Variants in DHX29 observed in about 807,000 individuals in gnomAD.
The protein encoded by DHX29 is DExH-box helicase 29, also known as ATP-dependent RNA helicase DHX29.
A neutral mutation model predicts 167.9 loss-of-function variants in DHX29; 79 were observed. That is an observed-to-expected ratio of 0.47 (90% CI 0.39 to 0.57). The LOEUF (loss-of-function observed/expected upper bound fraction) is 0.57. DHX29 is among the 20% of genes least tolerant of loss of function. The pLI is 0.00. For missense variants in DHX29, 1,347 were observed against 1,593.4 expected (o/e 0.85, Z 2.63); for synonymous variants, 530 against 546.0 (o/e 0.97, Z 0.41).
intron 1 of DHX29, among the ~76,000 whole-genome samples, chr5:55,300,098 G>T (rs1427011519): frequency 6.6e-6 from 1 of 152,190 alleles, no homozygotes; most frequent in Non-Finnish European, 1.5e-5. Context: ...CTGGCCAGGC[G>T]CAGTGGCTCA....
chr5:55,270,918 A>T (rs1387555589), intron 18 of DHX29, among the ~76,000 whole-genome samples: 3 of 152,250 alleles, frequency 2.0e-5, no homozygotes, highest in Non-Finnish European at 4.4e-5. Flanking sequence ...CAAAAGAAAA[A>T]AATTATTTAA....
chr5:55,304,159 C>G (rs1398206526), intron 1 of DHX29, among the ~76,000 whole-genome samples: 2 of 152,102 alleles, frequency 1.3e-5, no homozygotes, highest in African/African-American at 4.8e-5. Flanking sequence ...AAGAGAAGGA[C>G]AGTAAAAGAA....
At chr5:55,305,535 G>C (rs943726152) in intron 1 of DHX29, among the ~76,000 whole-genome samples, 1 of 152,148 alleles carries the variant, frequency 6.6e-6, no homozygotes, top group Admixed American at 6.6e-5. Context: ...GAAGTGTTAC[G>C]ACCAAAGCAG....
chr5:55,262,485 A>G lies in DHX29; in HGVS notation c.3828+145T>C, dbSNP rs188868999. The G allele has an allele frequency of 1.1e-3, 1,133 of 1,001,060 alleles. 3 individuals carry two copies. The highest frequency in any genetic ancestry group is 1.5e-3 in the Non-Finnish European group (1,025 of 686,864). The allele number at this position is 1,001,060 out of a possible 1,614,324, so 62.0% of individuals were successfully genotyped here. On this transcript the variant is annotated intron_variant, in intron 24 of 26. Transcript: ENST00000251636. ...TAAGCATTCTTTTGTTTGAGAAGCTATGTGCATCTTGATTTCAAATATTAA... is the reference window on the plus strand; with the variant it reads ...TAAGCATTCTTTTGTTTGAGAAGCTGTGTGCATCTTGATTTCAAATATTAA...
At chr5:55,277,063 G>A (rs1434485488) in intron 13 of DHX29, 43 bp downstream of exon 13, 5 of 1,422,204 alleles carry the variant, frequency 3.5e-6, no homozygotes, top group Non-Finnish European at 4.8e-6. Flanking sequence ...AACCTGGTGG[G>A]AATGCAGTTT....
intron 5 of DHX29, 58 bp downstream of exon 5, chr5:55,295,321 T>C: frequency 7.0e-6 from 9 of 1,279,962 alleles, no homozygotes; most frequent in Non-Finnish European, 1.0e-5. Context: ...CTCTTTGAAC[T>C]GTTACATGTG....
intron 8 of DHX29, among the ~76,000 whole-genome samples, chr5:55,286,183 G>A (rs887565140): frequency 5.3e-5 from 8 of 151,898 alleles, no homozygotes; most frequent in African/African-American, 1.9e-4. Context: ...GAACCTGGGT[G>A]GCAGAGCTTG....
At chr5:55,304,817 A>T (rs1314015689) in intron 1 of DHX29, among the ~76,000 whole-genome samples, 2 of 152,236 alleles carry the variant, frequency 1.3e-5, no homozygotes, top group East Asian at 1.9e-4. Context: ...AATTGGAAAG[A>T]TAAGGAGGGA....
At chr5:55,263,351 T>C (rs1746400779) in intron 23 of DHX29, among the ~76,000 whole-genome samples, 1 of 152,184 alleles carries the variant, frequency 6.6e-6, no homozygotes, top group Non-Finnish European at 1.5e-5. Flanking sequence ...GGAAATCTCA[T>C]CTTAATTTCT....
In DHX29 at chr5:55,287,580, AT is replaced by A. The variant is rs202025898; in HGVS notation, c.1066+1689del. Among the ~76,000 whole-genome samples, 262 of 151,968 alleles carry A rather than the reference AT, an allele frequency of 1.7e-3. 1 individual carries two copies. The highest frequency in any genetic ancestry group is 5.9e-3 in the African/African-American group (244 of 41,512). On this transcript the variant is annotated intron_variant, in intron 8 of 26. Transcript: ENST00000251636. The stretch of plus-strand genomic sequence containing the variant: ...TTGCTATATCAATAATTAACTCAGA[AT>A]TTTTTTTTAAAAAAACAATTAACTA...
chr5:55,259,657 T>C (rs1746214940), intron 26 of DHX29, among the ~76,000 whole-genome samples, 191 bp downstream of exon 26: 3 of 152,160 alleles, frequency 2.0e-5, no homozygotes, highest in African/African-American at 2.4e-5. Flanking sequence ...GGTTTCACCA[T>C]GTTGGCCAGG....
intron 2 of DHX29, 139 bp from the exon 3 acceptor site, chr5:55,297,537 G>T: frequency 1.7e-6 from 1 of 594,738 alleles, no homozygotes. Flanking sequence ...TCATTTTTTG[G>T]ACTACCACCC....
At chr5:55,297,125 T>C (rs555497638) in intron 3 of DHX29, among the ~76,000 whole-genome samples, 160 bp downstream of exon 3, 2 of 152,342 alleles carry the variant, frequency 1.3e-5, no homozygotes, top group South Asian at 4.1e-4. Context: ...ACTTGTACCT[T>C]CTTGATTTAA....
At chr5:55,257,719 A>C (rs1337457470) in intron 26 of DHX29, among the ~76,000 whole-genome samples, 1 of 152,218 alleles carries the variant, frequency 6.6e-6, no homozygotes, top group Admixed American at 6.5e-5. Flanking sequence ...GAGCACTAAC[A>C]TACTTCTTCC....
intron 1 of DHX29, among the ~76,000 whole-genome samples, chr5:55,303,579 G>C (rs867623345): frequency 6.6e-6 from 1 of 152,056 alleles, no homozygotes; most frequent in Non-Finnish European, 1.5e-5. Context: ...TACCAACACC[G>C]GCCCCCACTT....
chr5:55,281,475 G>A lies in DHX29; in HGVS notation c.2006C>T (p.Ala669Val). ...CGYQIRMESR[A>V]CESTRLLYCT... ...ATAGAGTAACCTGGTAGATTCACAA[G>A]CTCGAGATTCCATCCGGATCTGATA... Residue 669 changes from alanine to valine, a missense_variant, in exon 12 of 27, where the codon GCT becomes GTT. By Grantham distance (64) the Ala-to-Val change is moderately conservative. Transcript: ENST00000251636. 6.3e-7 allele frequency: 1 copy of A among 1,596,336 alleles called. No individual in the cohort carries two copies. Among genetic ancestry groups the A allele is most frequent in the Non-Finnish European group, 8.5e-7 (1 of 1,171,366 alleles).
At position 55,267,698 on chromosome 5, in the gene DHX29, T is replaced by C. The variant is rs747076813; in HGVS notation, c.3419A>G (p.Asn1140Ser). ...MADSDHLTIY[N>S]AYLGWKKARQ... ...ATTATGTTTTTACCCTAGATATGCA[T>C]TGTAGATCGTCAGGTGGTCTGAATC... Residue 1140 changes from asparagine to serine, a missense_variant, in exon 22 of 27, where the codon AAT becomes AGT. Physicochemically the swap from Asn to Ser is conservative, Grantham distance 46 (BLOSUM62 1). Around this residue, in one of 3 missense-constraint regions of DHX29, gnomAD observed 882 missense variants for 1,082.4 expected, o/e 0.81. Transcript: ENST00000251636. 1 of 1,598,560 alleles carries C rather than the reference T, an allele frequency of 6.3e-7. No individual in the cohort carries two copies. The highest frequency in any genetic ancestry group is 1.1e-5 in the South Asian group (1 of 88,764).
intron 26 of DHX29, among the ~76,000 whole-genome samples, chr5:55,258,026 C>T (rs1292340430): frequency 3.3e-5 from 5 of 152,122 alleles, no homozygotes. Context: ...CAAATAAACA[C>T]AGAGTATGAG....
At chr5:55,277,024 G>A in intron 13 of DHX29, 82 bp downstream of exon 13, 1 of 996,218 alleles carries the variant, frequency 1.0e-6, no homozygotes, top group South Asian at 1.6e-5. Context: ...TCTGGCCTCT[G>A]ACTACAAGTG....
Sources: allele counts gnomAD v4.1 joint callset (sites outside exome capture counted in the v4.1 genomes callset), GRCh38; gene constraint gnomAD v4.1.1; regional missense constraint gnomAD v4.1.1; transcripts MANE v1.5; gene names NCBI Gene and HGNC (gene_info 2026-07-23, HGNC 2026-07-21).